The following VWA8 variants were observed in gnomAD, a reference collection of about 807,000 sequenced individuals.
The protein encoded by VWA8 is von Willebrand factor A domain containing 8.
A neutral mutation model predicts 241.5 loss-of-function variants in VWA8; 221 were observed. The observed-to-expected ratio is 0.91, with a 90% confidence interval of 0.82 to 1.02. The LOEUF is 1.02. VWA8 is among the 50% of genes least tolerant of loss of function. The probability of loss-of-function intolerance (pLI) is 0.00; values close to 1 mark genes in which losing one functional copy is unlikely to be tolerated. For missense variants in VWA8, 2,322 were observed against 2,328.7 expected (o/e 1.00, Z 0.06); for synonymous variants, 852 against 827.1 (o/e 1.03, Z -0.52).
intron 4 of VWA8, among the ~76,000 whole-genome samples, chr13:41,903,901 G>A (rs78277246): frequency 0.015 from 2,220 of 152,194 alleles, 39 homozygotes; most frequent in East Asian, 0.058. Flanking sequence ...ACCTCAAAAC[G>A]TCATCTGAAG....
At chr13:41,725,701 G>C (rs2045427524) in intron 24 of VWA8, among the ~76,000 whole-genome samples, 1 of 152,158 alleles carries the variant, frequency 6.6e-6, no homozygotes, top group Non-Finnish European at 1.5e-5. Context: ...ACAGAACAGG[G>C]AGTGAGTATT....
chr13:41,742,135 T>A (rs78849358), intron 21 of VWA8, among the ~76,000 whole-genome samples: 1,793 of 152,340 alleles, frequency 0.012, 11 homozygotes, highest in South Asian at 0.019. Context: ...TGTACAGTCC[T>A]CGTTGCCATT....
rs774142364 is a variant in VWA8, at chr13:41,570,716, AAAG to A, written c.5371-13_5371-11del. 7.0e-5 allele frequency: 113 copies of A among 1,605,352 alleles called. No homozygotes were observed. Among genetic ancestry groups the A allele is most frequent in the Middle Eastern group, 5.0e-4 (3 of 6,054 alleles). On this transcript the variant is annotated splice_polypyrimidine_tract_variant and intron_variant, in intron 43 of 44. Transcript: ENST00000379310. ...AGTGGGCATGCATTGTCTGGAGGTA[AAAG>A]AAGTTGCACAAAAGCCATGGCTGAG...
At chr13:41,618,290 C>T (rs1054682809) in intron 37 of VWA8, among the ~76,000 whole-genome samples, 14 of 152,186 alleles carry the variant, frequency 9.2e-5, no homozygotes, top group Non-Finnish European at 1.6e-4. Flanking sequence ...TGAAAAGCGT[C>T]TGTTCATATC....
Position 41,883,436 on chromosome 13 carries a change from C to T in VWA8, c.1031G>A (p.Ser344Asn), listed in dbSNP as rs771607918. 2 of 1,613,540 alleles carry T rather than the reference C, an allele frequency of 1.2e-6. No homozygotes were observed. Among genetic ancestry groups the T allele is most frequent in the Non-Finnish European group, 8.5e-7 (1 of 1,179,782 alleles). The part of the protein sequence containing the change: ...KHAIQWLYPY[S>N]ILLGHEGKMA... ...CTTCCCTTCATGACCTAGTAAAATA[C>T]TATATGGATAAAGCCACTGGATTGC... Residue 344 changes from serine (S) to asparagine (N), a missense_variant, in exon 9 of 45, where the codon AGT becomes AAT. Transcript: ENST00000379310.
intron 17 of VWA8, among the ~76,000 whole-genome samples, chr13:41,796,835 T>C (rs975180322): frequency 6.6e-6 from 1 of 152,044 alleles, no homozygotes; most frequent in African/African-American, 2.4e-5. Flanking sequence ...GTACTGAAAT[T>C]CAGTTTTGGT....
At chr13:41,750,886 T>A (rs201983593) in intron 21 of VWA8, among the ~76,000 whole-genome samples, 8 of 143,828 alleles carry the variant, frequency 5.6e-5, no homozygotes, top group Non-Finnish European at 6.1e-5. Flanking sequence ...ACATATTTGA[T>A]AAAAAAAAAA....
chr13:41,817,012 C>T (rs1366878379), intron 15 of VWA8, among the ~76,000 whole-genome samples: 9 of 152,140 alleles, frequency 5.9e-5, no homozygotes, highest in Admixed American at 5.9e-4. Context: ...CACTCTTCTC[C>T]ATATACAATT....
At chr13:41,785,791 C>A (rs1174337668) in intron 18 of VWA8, among the ~76,000 whole-genome samples, 1 of 151,388 alleles carries the variant, frequency 6.6e-6, no homozygotes, top group African/African-American at 2.4e-5. Context: ...TGAAATAGAC[C>A]CAGTATAAAA....
chr13:41,779,380 G>C (rs1468391438), intron 19 of VWA8, among the ~76,000 whole-genome samples: 4 of 151,808 alleles, frequency 2.6e-5, no homozygotes, highest in African/African-American at 9.7e-5. Flanking sequence ...AGGAACAAAT[G>C]AGTATTCCCT....
At chr13:41,775,581 C>T (rs1488587404) in intron 20 of VWA8, among the ~76,000 whole-genome samples, 2 of 152,154 alleles carry the variant, frequency 1.3e-5, no homozygotes, top group African/African-American at 4.8e-5. Flanking sequence ...GCTTGAAAAT[C>T]AGTGGGCTTG....
At chr13:41,890,150 T>C (rs991359818) in intron 5 of VWA8, among the ~76,000 whole-genome samples, 1 of 152,232 alleles carries the variant, frequency 6.6e-6, no homozygotes, top group Admixed American at 6.5e-5. Context: ...AGAAACAGAC[T>C]GCTTCTGGCC....
chr13:41,868,219 T>C (rs1471350143), intron 10 of VWA8, 127 bp downstream of exon 10: 12 of 1,063,018 alleles, frequency 1.1e-5, no homozygotes, highest in East Asian at 2.5e-5. Flanking sequence ...GACATAGACA[T>C]ATAGATACCG....
chr13:41,823,433 C>T (rs1477825420), intron 14 of VWA8, among the ~76,000 whole-genome samples: 3 of 152,070 alleles, frequency 2.0e-5, no homozygotes, highest in Admixed American at 1.3e-4. Flanking sequence ...CCAAGATAAC[C>T]AGAAGCCCTT....
chr13:41,833,646 A>G, intron 12 of VWA8, 115 bp from the exon 13 acceptor site: 1 of 1,193,294 alleles, frequency 8.4e-7, no homozygotes, highest in Non-Finnish European at 1.1e-6. Flanking sequence ...CATTCCATAT[A>G]GTAACAGAGA....
chr13:41,738,178 T>C (rs766850344), intron 21 of VWA8, among the ~76,000 whole-genome samples: 2 of 152,202 alleles, frequency 1.3e-5, no homozygotes, highest in Non-Finnish European at 2.9e-5. Flanking sequence ...AAGTAAAATA[T>C]TTCTGCCAAA....
chr13:41,794,405 G>T (rs1016003314), intron 17 of VWA8, among the ~76,000 whole-genome samples: 2 of 152,096 alleles, frequency 1.3e-5, no homozygotes, highest in South Asian at 4.1e-4. Flanking sequence ...AATTGTGAAT[G>T]GGAGTTCATT....
At chr13:41,623,573 A>G (rs2044670926) in intron 37 of VWA8, among the ~76,000 whole-genome samples, 3 of 152,210 alleles carry the variant, frequency 2.0e-5, no homozygotes, top group Admixed American at 2.0e-4. Flanking sequence ...GACATTAAAA[A>G]TTACCATAAC....
At chr13:41,750,080 T>TA (rs1175517182) in intron 21 of VWA8, among the ~76,000 whole-genome samples, 4 of 152,098 alleles carry the variant, frequency 2.6e-5, no homozygotes, top group Admixed American at 2.0e-4. Context: ...TGATTCCTCT[T>TA]ACGGATCTGG....
Sources: gnomAD v4.1 joint callset for allele counts (sites outside exome capture counted in the v4.1 genomes callset) on GRCh38, gnomAD v4.1.1 for gene constraint, MANE v1.5 for transcripts, NCBI Gene and HGNC (gene_info 2026-07-23, HGNC 2026-07-21) for gene names.